The following VLDLR variants were observed in gnomAD, a reference collection of about 807,000 sequenced individuals.
VLDLR encodes the protein very low density lipoprotein receptor, also known as very low-density lipoprotein receptor.
VLDLR carries 81 observed loss-of-function variants against 112.7 expected under a neutral mutation model. That is an observed-to-expected ratio of 0.72 (90% CI 0.60 to 0.86). The LOEUF is 0.86. Ranked by LOEUF, VLDLR falls within the 40% of genes least tolerant of loss-of-function variation. The pLI, the probability that VLDLR is intolerant of heterozygous loss-of-function variation, is 0.00. For missense variants in VLDLR, 1,237 were observed against 1,099.4 expected (o/e 1.13, Z -1.77); for synonymous variants, 436 against 384.8 (o/e 1.13, Z -1.56).
At chr9:2,635,916 C>A (rs1196665100) in intron 2 of VLDLR, among the ~76,000 whole-genome samples, 1 of 151,598 alleles carries the variant, frequency 6.6e-6, no homozygotes, top group African/African-American at 2.4e-5. Context: ...TCAAATGGCT[C>A]TGATCCTAGA....
intron 1 of VLDLR, among the ~76,000 whole-genome samples, chr9:2,633,585 T>G (rs2130774512): frequency 6.6e-6 from 1 of 152,352 alleles, no homozygotes; most frequent in East Asian, 1.9e-4. Context: ...TGTCTCATTT[T>G]GACTTAATAA....
chr9:2,649,342 T>G (rs1239060911), intron 14 of VLDLR, among the ~76,000 whole-genome samples: 2 of 152,136 alleles, frequency 1.3e-5, no homozygotes, highest in African/African-American at 4.8e-5. Context: ...CTTTGTCTCT[T>G]CACATCATCG....
At chr9:2,638,739 C>T (rs1047339221) in intron 2 of VLDLR, among the ~76,000 whole-genome samples, 2 of 152,158 alleles carry the variant, frequency 1.3e-5, no homozygotes, top group African/African-American at 4.8e-5. Flanking sequence ...TGCATGGTAA[C>T]CCTAAGTATA....
Position 2,622,098 on chromosome 9 carries a change from A to G in VLDLR, c.-92A>G. ...CTCCCCCTTTCCCCTCCCCGCCCCC[A>G]CCTTCTTCCTCCTTTCGGAAGGACT... On this transcript the variant is annotated 5_prime_UTR_variant, in exon 1 of 19. Transcript: ENST00000382100. 1 of 972,360 alleles carries G rather than the reference A, an allele frequency of 1.0e-6. No individual in the cohort carries two copies. The highest frequency in any genetic ancestry group is 1.3e-6 in the Non-Finnish European group (1 of 754,740). The allele number at this position is 972,360 out of a possible 1,614,324, so 60.2% of individuals were successfully genotyped here.
rs140132375 is a variant in VLDLR at position 2,644,085 on chromosome 9, T to G, written c.1066+126T>G. 1.4e-4 allele frequency: 205 copies of G among 1,414,226 alleles called. 1 individual carries two copies. The East Asian group carries it at 4.8e-3, about 33-fold the overall frequency. 87.6% of individuals were successfully genotyped at this position (1,414,226 alleles called of 1,614,324 possible). On this transcript the variant is annotated intron_variant, in intron 7 of 18. Coordinates refer to ENST00000382100, the MANE Select transcript of VLDLR (RefSeq NM_003383.5). ...AATGTACTGAAGTTCAATTGTAGACTTCAGAGTGAAACTTTATGACTTAAA... is the reference window on the plus strand; with the variant it reads ...AATGTACTGAAGTTCAATTGTAGACGTCAGAGTGAAACTTTATGACTTAAA...
At chr9:2,649,434 C>G (rs556999671) in intron 14 of VLDLR, among the ~76,000 whole-genome samples, 1 of 152,294 alleles carries the variant, frequency 6.6e-6, no homozygotes, top group South Asian at 2.1e-4. Flanking sequence ...CTCTGTCACC[C>G]AGGCTGGAGT....
At chr9:2,648,436 G>A in intron 13 of VLDLR, 89 bp downstream of exon 13, 5 of 1,595,278 alleles carry the variant, frequency 3.1e-6, no homozygotes, top group Non-Finnish European at 3.4e-6. Flanking sequence ...GGAGGGAAGA[G>A]CAGCTGAACA....
At chr9:2,639,772 A>T in intron 2 of VLDLR, 87 bp from the exon 3 acceptor site, 2 of 1,607,530 alleles carry the variant, frequency 1.2e-6, no homozygotes, top group Admixed American at 1.7e-5. Flanking sequence ...AGAGCAAAAC[A>T]TGCCAAAATG....
In VLDLR at chr9:2,648,276, G is replaced by A. The variant is rs762870369; in HGVS notation, c.1891G>A (p.Gly631Ser). 5.6e-6 allele frequency: 9 copies of A among 1,614,076 alleles called. No individual in the cohort carries two copies. ...CATGTTATCCAGCGTGGACTTGAAT[G>A]GCCAAGATCGTAGGATAGTACTAAA... ...LHMLSSVDLN[G>S]QDRRIVLKSL... is the part of the protein sequence containing the mutation. Residue 631 changes from glycine (G) to serine (S), a missense_variant, in exon 13 of 19, where the codon GGC becomes AGC. Gly to Ser is a moderately conservative substitution (Grantham distance 56). Transcript: ENST00000382100.
In VLDLR at chr9:2,656,735, AT is replaced by A. The variant is rs1436984054; in HGVS notation, c.*2869del. The A allele has an allele frequency of 6.6e-6, 1 of 151,756 alleles. No homozygotes were observed. The highest frequency in any genetic ancestry group is 1.5e-5 in the Non-Finnish European group (1 of 68,022). 9.4% of individuals were successfully genotyped at this position (151,756 alleles called of 1,614,324 possible). A position where few individuals can be genotyped will look rare whatever the true frequency, so the allele number is the denominator to read the frequency against. On this transcript the variant is annotated 3_prime_UTR_variant, in exon 19 of 19. Coordinates refer to ENST00000382100, the MANE Select transcript of VLDLR (RefSeq NM_003383.5). The stretch of plus-strand genomic sequence containing the variant: ...AGAAATTTTAGGAATTGCCACAAAG[AT>A]TGATGATAGATGAATAAACAGATTT...
chr9:2,652,499 A>G (rs761236093), intron 17 of VLDLR, among the ~76,000 whole-genome samples: 3 of 152,130 alleles, frequency 2.0e-5, no homozygotes, highest in Non-Finnish European at 4.4e-5. Flanking sequence ...GCTCTCCAGA[A>G]CCTTCTGCAA....
chr9:2,647,726 A>G, intron 12 of VLDLR, 134 bp downstream of exon 12: 2 of 814,962 alleles, frequency 2.5e-6, no homozygotes, highest in Non-Finnish European at 4.3e-6. Flanking sequence ...TTTCAATGGG[A>G]GTAACTGAAC....
chr9:2,654,669 CT>C lies in VLDLR; in HGVS notation c.*802del, dbSNP rs1315832535. ...ACATTTGCTCCCGAAATATTTCTTA[CT>C]GTGTAAAAGAAGCTAGCTTAGTCTG... On this transcript the variant is annotated 3_prime_UTR_variant, in exon 19 of 19. Coordinates refer to ENST00000382100, the MANE Select transcript of VLDLR (RefSeq NM_003383.5). 4 of 152,116 alleles carry C rather than the reference CT, an allele frequency of 2.6e-5. No individual in the cohort carries two copies. The highest frequency in any genetic ancestry group is 7.2e-5 in the African/African-American group (3 of 41,430). The allele number at this position is 152,116 out of a possible 1,614,324, so 9.4% of individuals were successfully genotyped here.
chr9:2,627,933 C>T (rs1586634678), intron 1 of VLDLR, among the ~76,000 whole-genome samples: 1 of 151,798 alleles, frequency 6.6e-6, no homozygotes, highest in East Asian at 1.9e-4. Flanking sequence ...GGAACAGGGA[C>T]CTTTATAACC....
At chr9:2,634,428 C>T (rs1413231439) in intron 1 of VLDLR, among the ~76,000 whole-genome samples, 2 of 152,198 alleles carry the variant, frequency 1.3e-5, no homozygotes, top group Non-Finnish European at 2.9e-5. Flanking sequence ...CAAATATTTG[C>T]AGTATATTTG....
rs1318818045 is a variant in VLDLR at position 2,648,225 on chromosome 9, C to T, written c.1840C>T (p.Leu614Phe). ...GITLDLIKSR[L>F]YWLDSKLHML... Reference sequence around the variant, plus strand: ...CTACCTAGACCTTATAAAAAGTCGCCTCTATTGGCTTGATTCTAAGTTGCA... The same window carrying T: ...CTACCTAGACCTTATAAAAAGTCGCTTCTATTGGCTTGATTCTAAGTTGCA... The change falls in exon 13 of 19, where the codon CTC becomes TTC. Residue 614 changes from leucine (L) to phenylalanine (F), a missense_variant. Physicochemically the swap from Leu to Phe is conservative, Grantham distance 22. Coordinates refer to ENST00000382100, the MANE Select transcript of VLDLR (RefSeq NM_003383.5). 11 of 1,614,026 alleles carry T rather than the reference C, an allele frequency of 6.8e-6. No homozygotes were observed. The highest frequency in any genetic ancestry group is 8.5e-6 in the Non-Finnish European group (10 of 1,180,024).
At chr9:2,635,318 C>T (rs1027144368) in intron 1 of VLDLR, 135 bp from the exon 2 acceptor site, 1 of 1,344,036 alleles carries the variant, frequency 7.4e-7, no homozygotes, top group Admixed American at 1.7e-5. Flanking sequence ...GAAGAGCCAT[C>T]CTACTCTGGC....
intron 18 of VLDLR, among the ~76,000 whole-genome samples, 183 bp from the exon 19 acceptor site, chr9:2,653,650 T>G (rs1818459374): frequency 6.6e-6 from 1 of 152,228 alleles, no homozygotes; most frequent in African/African-American, 2.4e-5. Flanking sequence ...CAAGCAGGTA[T>G]AGTTGAATTC....
In VLDLR at chr9:2,654,801, A is replaced by ATAGT. The variant is rs1818531722; in HGVS notation, c.*936_*939dup. 3 of 152,032 alleles carry ATAGT rather than the reference A, an allele frequency of 2.0e-5. No homozygotes were observed. 9.4% of individuals were successfully genotyped at this position (152,032 alleles called of 1,614,324 possible). A position where few individuals can be genotyped will look rare whatever the true frequency, so the allele number is the denominator to read the frequency against. The stretch of plus-strand genomic sequence containing the variant: ...AGATTTCTATGAATTCTGCTTCTTT[A>ATAGT]TAGTTAAGTCTCTGTTTTCCATGTT... On this transcript the variant is annotated 3_prime_UTR_variant, in exon 19 of 19. Coordinates refer to ENST00000382100, the MANE Select transcript of VLDLR (RefSeq NM_003383.5).
Sources: gnomAD v4.1 joint callset for allele counts (sites outside exome capture counted in the v4.1 genomes callset) on GRCh38, gnomAD v4.1.1 for gene constraint, MANE v1.5 for transcripts, NCBI Gene and HGNC (gene_info 2026-07-23, HGNC 2026-07-21) for gene names.